The following CELF2 variants were observed in gnomAD, a reference collection of about 807,000 sequenced individuals.
The protein encoded by CELF2 is CUGBP Elav-like family member 2.
CELF2 carries 8 observed loss-of-function variants against 62.6 expected under a neutral mutation model. The ratio of observed to expected loss-of-function variants is 0.13; its 90% CI spans 0.07 to 0.23. CELF2 has a LOEUF of 0.23. Ranked by LOEUF, CELF2 falls within the 10% of genes least tolerant of loss-of-function variation. The probability of loss-of-function intolerance (pLI) is 1.00; values close to 1 mark genes in which losing one functional copy is unlikely to be tolerated. For missense variants in CELF2, 333 were observed against 671.0 expected, an observed-to-expected ratio of 0.50 and a Z score of 5.56; for synonymous variants, 258 against 250.0, an observed-to-expected ratio of 1.03 and a Z score of -0.30.
intron 1 of CELF2, among the ~76,000 whole-genome samples, chr10:10,906,717 C>CTTTTTTTTTTTTT (rs397846553): frequency 8.1e-4 from 89 of 109,252 alleles, no homozygotes; most frequent in East Asian, 2.4e-3. Context: ...TTTTTCTTTT[C>CTTTTTTTTTTTTT]TTTTTTTTTT....
In CELF2 at chr10:11,011,422, A is replaced by T. The variant is rs746154549; in HGVS notation, c.53+5982A>T. On this transcript the variant is annotated intron_variant, in intron 1 of 12. Coordinates refer to the CELF2 transcript ENST00000416382. This position sits in a 1 kb window ranked among gnomAD's most constrained non-coding sequence, Gnocchi z 4.6. Reference sequence around the variant, plus strand: ...GCAGATGGAGGTGGGTGAGGGGGAGAGGGAAGGTGTCATTAGGACACCCTG... The same window carrying T: ...GCAGATGGAGGTGGGTGAGGGGGAGTGGGAAGGTGTCATTAGGACACCCTG... Among the ~76,000 whole-genome samples the T allele has an allele frequency of 3.6e-4, 55 of 150,758 alleles. No individual in the cohort carries two copies. Among genetic ancestry groups the T allele is most frequent in the Non-Finnish European group, 6.8e-4 (46 of 67,782 alleles).
At chr10:10,830,473 A>G (rs1329526273) in intron 1 of CELF2, among the ~76,000 whole-genome samples, 85 of 152,170 alleles carry the variant, frequency 5.6e-4, no homozygotes, top group Non-Finnish European at 4.4e-5. Context: ...TATGTCACCC[A>G]TAATGAAGCC....
At chr10:10,937,891 G>A (rs1411753782) in intron 2 of CELF2, among the ~76,000 whole-genome samples, 1 of 151,966 alleles carries the variant, frequency 6.6e-6, no homozygotes, top group Non-Finnish European at 1.5e-5. Context: ...CCATAGTTTT[G>A]AAATTGATTC....
At chr10:11,228,935 G>T (rs4750030) in intron 3 of CELF2, among the ~76,000 whole-genome samples, 5 of 152,200 alleles carry the variant, frequency 3.3e-5, no homozygotes, top group South Asian at 2.1e-4. Flanking sequence ...AGTCGGTTCT[G>T]GTTTCTTTGA....
Position 11,119,182 on chromosome 10 carries a change from G to A in CELF2, c.75-46304G>A, listed in dbSNP as rs114525410. 8.0e-3 allele frequency among the ~76,000 whole-genome samples: 1,212 copies of A among 152,316 alleles called. 19 individuals are homozygous for A. Among genetic ancestry groups the A allele is most frequent in the African/African-American group, 0.027 (1,131 of 41,558 alleles). ...AGTAACGAAGGCAGGAGGGTCTGAA[G>A]GCACATTTTTTTTCCCCTTAAACTT... is the stretch of plus-strand genomic sequence containing the variant. On this transcript the variant is annotated intron_variant, in intron 1 of 12. Transcript: ENST00000633077.
intron 2 of CELF2, among the ~76,000 whole-genome samples, chr10:10,926,677 C>T (rs2065498245): frequency 1.3e-5 from 2 of 152,192 alleles, no homozygotes; most frequent in Non-Finnish European, 2.9e-5. Flanking sequence ...ATCCCTTTTC[C>T]ATGCCTGATC....
rs1427120865 is a variant in CELF2, at chr10:11,018,541, C to T, written c.74+378C>T. 1.2e-4 allele frequency among the ~76,000 whole-genome samples: 17 copies of T among 142,776 alleles called. No homozygotes were observed. The East Asian group carries it at 3.5e-3, about 29-fold the overall frequency. 93.7% of individuals were successfully genotyped at this position (142,776 alleles called of 152,430 possible). A position where few individuals can be genotyped will look rare whatever the true frequency, so the allele number is the denominator to read the frequency against. ...ACCCGCGAGCAGGGTGAGCGGGGCG[C>T]GGCGTCCCGGGGTCCGGGCGGGGTC... is the stretch of plus-strand genomic sequence containing the variant. On this transcript the variant is annotated intron_variant, in intron 1 of 12. Coordinates refer to ENST00000633077, the MANE Select transcript of CELF2 (RefSeq NM_001326342.2).
At chr10:10,525,286 G>A in the CELF2 span, among the ~76,000 whole-genome samples, 15 of 152,182 alleles carry the variant, frequency 9.9e-5, no homozygotes, top group South Asian at 2.3e-3. Context: ...TCCAACCCAC[G>A]ACCCACAGAA....
the CELF2 span, among the ~76,000 whole-genome samples, chr10:10,773,655 G>C: frequency 2.0e-5 from 3 of 152,168 alleles, no homozygotes; most frequent in African/African-American, 4.8e-5. Flanking sequence ...ATTACCTGCA[G>C]GACTTTTCTA....
intron 1 of CELF2, among the ~76,000 whole-genome samples, chr10:11,154,909 G>T (rs548172058): frequency 6.6e-6 from 1 of 152,148 alleles, no homozygotes; most frequent in Non-Finnish European, 1.5e-5. Context: ...GAAAAACCCA[G>T]CAGGATACTT....
At chr10:11,069,567 A>G (rs1178567421) in intron 1 of CELF2, among the ~76,000 whole-genome samples, 1 of 152,266 alleles carries the variant, frequency 6.6e-6, no homozygotes, top group African/African-American at 2.4e-5. Context: ...CTAGAAGGAC[A>G]TGTGACAAAT....
intron 1 of CELF2, among the ~76,000 whole-genome samples, chr10:10,845,480 G>T (rs573247383): frequency 6.6e-6 from 1 of 151,920 alleles, no homozygotes; most frequent in South Asian, 2.1e-4. Flanking sequence ...CACACACTCT[G>T]TCCAAGGAGT....
intron 2 of CELF2, among the ~76,000 whole-genome samples, chr10:11,216,885 G>A (rs1482003601): frequency 1.3e-5 from 2 of 152,216 alleles, no homozygotes; most frequent in Admixed American, 6.5e-5. Flanking sequence ...TGGCAAATGA[G>A]TATTGAGGGT....
At chr10:10,894,432 G>A (rs1394188574) in intron 1 of CELF2, among the ~76,000 whole-genome samples, 3 of 152,182 alleles carry the variant, frequency 2.0e-5, no homozygotes, top group African/African-American at 7.2e-5. Context: ...ATGAGATTCT[G>A]AGTAACTTGA....
chr10:10,650,337 C>T, the CELF2 span, among the ~76,000 whole-genome samples: 1 of 152,184 alleles, frequency 6.6e-6, no homozygotes, highest in African/African-American at 2.4e-5. Context: ...CACATTTAAA[C>T]TTTTGCTCTT....
chr10:10,526,929 C>T, the CELF2 span, among the ~76,000 whole-genome samples: 1 of 152,218 alleles, frequency 6.6e-6, no homozygotes, highest in African/African-American at 2.4e-5. Context: ...CCACAAGAGG[C>T]TGCATTAAAC....
At chr10:11,136,493 A>T (rs1442748887) in intron 1 of CELF2, among the ~76,000 whole-genome samples, 1 of 152,136 alleles carries the variant, frequency 6.6e-6, no homozygotes, top group Non-Finnish European at 1.5e-5. Context: ...AATCCCAGTC[A>T]CTCAGGAGGC....
the CELF2 span, among the ~76,000 whole-genome samples, chr10:10,699,646 G>A: frequency 2.0e-5 from 3 of 152,210 alleles, no homozygotes; most frequent in Admixed American, 6.5e-5. Context: ...GACAGAGGGG[G>A]ATGCCTGACT....
At chr10:11,084,766 C>A (rs148804560) in intron 1 of CELF2, among the ~76,000 whole-genome samples, 1 of 151,990 alleles carries the variant, frequency 6.6e-6, no homozygotes, top group Non-Finnish European at 1.5e-5. Context: ...AAAAAACCCA[C>A]GGTCTCATTT....
Sources: allele counts gnomAD v4.1 joint callset (sites outside exome capture counted in the v4.1 genomes callset), GRCh38; gene constraint gnomAD v4.1.1; non-coding constraint Gnocchi (gnomAD v3.1); transcripts MANE v1.5; gene names NCBI Gene and HGNC (gene_info 2026-07-23, HGNC 2026-07-21).